MSRA: variants seen among roughly 807,000 people sequenced by gnomAD.
MSRA encodes methionine sulfoxide reductase A, also known as mitochondrial peptide methionine sulfoxide reductase.
A neutral mutation model predicts 31.3 loss-of-function variants in MSRA; 54 were observed. That is an observed-to-expected ratio of 1.73 (90% CI 1.39 to 2.17). The LOEUF (loss-of-function observed/expected upper bound fraction) is 2.17. Ranked by LOEUF, MSRA falls within the 30% of genes most tolerant of loss-of-function variation. The probability of loss-of-function intolerance (pLI) is 0.00; values close to 1 mark genes in which losing one functional copy is unlikely to be tolerated. For missense variants in MSRA, 507 were observed against 300.9 expected (o/e 1.69, Z -5.07); for synonymous variants, 169 against 116.5 (o/e 1.45, Z -2.90).
At chr8:10,347,627 C>T (rs1245493058) in intron 5 of MSRA, among the ~76,000 whole-genome samples, 1 of 152,224 alleles carries the variant, frequency 6.6e-6, no homozygotes, top group African/African-American at 2.4e-5. Context: ...AATCCATCCT[C>T]CACGCCATCC....
chr8:10,077,479 CTTT>C (rs10714477), intron 1 of MSRA, among the ~76,000 whole-genome samples: 100 of 101,220 alleles, frequency 9.9e-4, no homozygotes, highest in African/African-American at 3.0e-3. Context: ...CTACCTTCTC[CTTT>C]TTTTTTTTTT....
chr8:10,319,235 A>C (rs2129137401), intron 4 of MSRA, among the ~76,000 whole-genome samples: 1 of 152,258 alleles, frequency 6.6e-6, no homozygotes, highest in South Asian at 2.1e-4. Flanking sequence ...TTTCACCACA[A>C]CATGGTGGCC....
intron 1 of MSRA, among the ~76,000 whole-genome samples, chr8:10,203,109 G>C (rs1341306600): frequency 2.0e-5 from 3 of 152,058 alleles, no homozygotes; most frequent in Admixed American, 6.6e-5. Flanking sequence ...TTCAGGCTCT[G>C]GAATTAAAGA....
intron 1 of MSRA, among the ~76,000 whole-genome samples, chr8:10,174,133 G>C (rs948345507): frequency 1.3e-5 from 2 of 152,190 alleles, no homozygotes; most frequent in African/African-American, 4.8e-5. Context: ...TTCGGGGAAG[G>C]AGGTTAGAAG....
chr8:10,076,977 T>C (rs184113203), intron 1 of MSRA, among the ~76,000 whole-genome samples: 1 of 149,602 alleles, frequency 6.7e-6, no homozygotes, highest in Admixed American at 6.7e-5. Flanking sequence ...GATAGGTAAA[T>C]GTGTGCCATG....
intron 1 of MSRA, among the ~76,000 whole-genome samples, chr8:10,072,077 A>T (rs921698636): frequency 2.0e-3 from 2 of 1,006 alleles, no homozygotes; most frequent in African/African-American, 2.4e-3. Context: ...TAGAGCAATG[A>T]GGTTGGCAGG....
intron 3 of MSRA, among the ~76,000 whole-genome samples, chr8:10,282,613 C>G (rs555946810): frequency 6.6e-6 from 1 of 152,176 alleles, no homozygotes; most frequent in Non-Finnish European, 1.5e-5. Flanking sequence ...CCATTACCTT[C>G]TCGTCTGTTC....
intron 3 of MSRA, among the ~76,000 whole-genome samples, chr8:10,277,631 T>C (rs985231816): frequency 6.6e-6 from 1 of 152,216 alleles, no homozygotes; most frequent in East Asian, 1.9e-4. Context: ...AATCAGATTA[T>C]TTCTGGAAGT....
intron 1 of MSRA, among the ~76,000 whole-genome samples, chr8:10,160,828 G>A (rs983290967): frequency 6.6e-6 from 1 of 152,088 alleles, no homozygotes. Context: ...GTACCCGGCC[G>A]AGATTTCATT....
At chr8:10,301,682 C>A in intron 4 of MSRA, 44 bp downstream of exon 4, 1 of 1,462,042 alleles carries the variant, frequency 6.8e-7, no homozygotes, top group Non-Finnish European at 9.6e-7. Context: ...TTACTAATTA[C>A]AGCTGGGATA....
chr8:10,131,752 G>A (rs1413112978), intron 1 of MSRA, among the ~76,000 whole-genome samples: 4 of 152,154 alleles, frequency 2.6e-5, no homozygotes, highest in African/African-American at 9.7e-5. Context: ...CAGCCACTGG[G>A]GACTCTGTCG....
chr8:10,091,123 T>A (rs1300040277), intron 1 of MSRA, among the ~76,000 whole-genome samples: 2 of 152,262 alleles, frequency 1.3e-5, no homozygotes, highest in African/African-American at 4.8e-5. Context: ...TTTCCTAGGA[T>A]AAATCCCACT....
At chr8:10,392,694 TA>T (rs1156803928) in intron 5 of MSRA, among the ~76,000 whole-genome samples, 4 of 131,280 alleles carry the variant, frequency 3.0e-5, no homozygotes, top group Non-Finnish European at 6.9e-5. Context: ...TTTTTTTTTT[TA>T]AATCTATGAT....
chr8:10,253,252 T>C (rs527624383), intron 3 of MSRA, among the ~76,000 whole-genome samples: 1 of 152,116 alleles, frequency 6.6e-6, no homozygotes, highest in South Asian at 2.1e-4. Flanking sequence ...GGGCAAGGGG[T>C]GAGTGAATTG....
intron 3 of MSRA, among the ~76,000 whole-genome samples, chr8:10,258,299 A>C (rs1798289043): frequency 6.6e-6 from 1 of 152,122 alleles, no homozygotes; most frequent in Non-Finnish European, 1.5e-5. Context: ...AATGAAAAGA[A>C]CTCCATTGTC....
intron 3 of MSRA, among the ~76,000 whole-genome samples, chr8:10,258,048 T>G (rs1412348876): frequency 6.6e-6 from 1 of 152,206 alleles, no homozygotes; most frequent in African/African-American, 2.4e-5. Context: ...CTAAATTCTT[T>G]ACATGTGACC....
At position 10,281,586 on chromosome 8, in the gene MSRA, A is replaced by G. The variant is rs190071301; in HGVS notation, c.332-19948A>G. Among the ~76,000 whole-genome samples, 157 of 152,374 alleles carry G rather than the reference A, an allele frequency of 1.0e-3. 2 individuals are homozygous for G. Among genetic ancestry groups the G allele is most frequent in the Non-Finnish European group, 5.7e-4 (39 of 68,040 alleles). On this transcript the variant is annotated intron_variant, in intron 3 of 5. Coordinates refer to ENST00000317173, the MANE Select transcript of MSRA (RefSeq NM_012331.5). Reference sequence around the variant, plus strand: ...GAACATAGGAGCCAGTACACCGCATATAACACAACTTAGAAAAATGCTATC... The same window carrying G: ...GAACATAGGAGCCAGTACACCGCATGTAACACAACTTAGAAAAATGCTATC...
chr8:10,064,417 A>G (rs1011659464), intron 1 of MSRA, among the ~76,000 whole-genome samples: 1 of 151,584 alleles, frequency 6.6e-6, no homozygotes, highest in South Asian at 2.1e-4. Context: ...GTATCCTTTC[A>G]TGGAAGTGCA....
chr8:10,106,467 T>G (rs1799890651), intron 1 of MSRA, among the ~76,000 whole-genome samples: 1 of 152,220 alleles, frequency 6.6e-6, no homozygotes, highest in African/African-American at 2.4e-5. Context: ...AAAACTTCAA[T>G]AAAGAGTATA....
Sources: gnomAD v4.1 joint callset for allele counts (sites outside exome capture counted in the v4.1 genomes callset) on GRCh38, gnomAD v4.1.1 for gene constraint, MANE v1.5 for transcripts, NCBI Gene and HGNC (gene_info 2026-07-23, HGNC 2026-07-21) for gene names.